PRIM1: variants seen among roughly 807,000 people sequenced by gnomAD.
The protein encoded by PRIM1 is DNA primase small subunit.
PRIM1 carries 38 observed loss-of-function variants against 60.2 expected under a neutral mutation model. The observed-to-expected ratio is 0.63, with a 90% confidence interval of 0.49 to 0.83. The LOEUF (loss-of-function observed/expected upper bound fraction) is 0.83. PRIM1 is among the 40% of genes least tolerant of loss of function. The pLI, the probability that PRIM1 is intolerant of heterozygous loss-of-function variation, is 0.00. For synonymous variants in PRIM1, 158 were observed against 160.2 expected, an observed-to-expected ratio of 0.99 and a Z score of 0.10; for missense variants, 388 against 506.2, an observed-to-expected ratio of 0.77 and a Z score of 2.24.
Position 56,741,478 on chromosome 12 carries a change from G to T in PRIM1, c.939C>A (p.Ile313=). 1 of 1,613,730 alleles carries T rather than the reference G, an allele frequency of 6.2e-7. No individual in the cohort carries two copies. The highest frequency in any genetic ancestry group is 1.1e-5 in the South Asian group (1 of 91,052). Reference sequence around the variant, plus strand: ...TAAAAGGGCTCTTCAGTAGATGATTGATTCCTTTGCTGACATTGATATCCA... The same window carrying T: ...TAAAAGGGCTCTTCAGTAGATGATTTATTCCTTTGCTGACATTGATATCCA... ...PRLDINVSKG[I]NHLLKSPFSV... Residue 313 remains isoleucine (I), a synonymous_variant, in exon 9 of 13, where the codon ATC becomes ATA. Transcript: ENST00000338193.
intron 11 of PRIM1, among the ~76,000 whole-genome samples, chr12:56,736,940 A>G (rs1953837311): frequency 6.6e-6 from 1 of 151,954 alleles, no homozygotes; most frequent in Non-Finnish European, 1.5e-5. Flanking sequence ...GGTGCCTGCC[A>G]GCATGTCTAG....
At position 56,741,588 on chromosome 12, in the gene PRIM1, T is replaced by C. The variant is rs1477772065; in HGVS notation, c.841-12A>G. 6.2e-7 allele frequency: 1 copy of C among 1,606,792 alleles called. No homozygotes were observed. Among genetic ancestry groups the C allele is most frequent in the Non-Finnish European group, 8.5e-7 (1 of 1,178,036 alleles). ...TTTTTGATGTTATTCTAAAAGCAGA[T>C]ACAAGGCCAACATGAGGATCAGTAG... On this transcript the variant is annotated splice_polypyrimidine_tract_variant and intron_variant, in intron 8 of 12. Coordinates refer to ENST00000338193, the MANE Select transcript of PRIM1 (RefSeq NM_000946.3).
chr12:56,744,537 C>T (rs1421054639), intron 5 of PRIM1, among the ~76,000 whole-genome samples: 1 of 151,840 alleles, frequency 6.6e-6, no homozygotes, highest in Admixed American at 6.6e-5. Context: ...GATTGCAATA[C>T]TGTATTTTTA....
rs1953975228 is a variant in PRIM1, at chr12:56,752,186, C to T, written c.103+10G>A. On this transcript the variant is annotated intron_variant, in intron 1 of 12. Coordinates refer to ENST00000338193, the MANE Select transcript of PRIM1 (RefSeq NM_000946.3). ...ACTCCGCTCCCGAACCCATTCCTCG[C>T]CTCCATCACCTCCACCGTAGTTGAG... is the stretch of plus-strand genomic sequence containing the variant. 3 of 1,570,816 alleles carry T rather than the reference C, an allele frequency of 1.9e-6. No homozygotes were observed. The highest frequency in any genetic ancestry group is 1.4e-5 in the African/African-American group (1 of 73,728).
At chr12:56,733,680 C>T (rs191766444) in intron 12 of PRIM1, among the ~76,000 whole-genome samples, 1 of 151,640 alleles carries the variant, frequency 6.6e-6, no homozygotes, top group Admixed American at 6.6e-5. Context: ...ACCTCTGCCT[C>T]CCCGGTTCAA....
intron 1 of PRIM1, chr12:56,751,435 C>T: frequency 3.7e-6 from 1 of 270,290 alleles, no homozygotes. Context: ...AGGCATGCGA[C>T]CCACCATGCC....
chr12:56,739,464 G>A, intron 9 of PRIM1, 101 bp from the exon 10 acceptor site: 1 of 687,918 alleles, frequency 1.5e-6, no homozygotes, highest in Non-Finnish European at 2.3e-6. Context: ...TTAAGGCTTA[G>A]ACAAAGGGTT....
intron 4 of PRIM1, 135 bp from the exon 5 acceptor site, chr12:56,746,316 G>C (rs1421583557): frequency 1.8e-6 from 2 of 1,117,174 alleles, no homozygotes; most frequent in South Asian, 2.7e-5. Flanking sequence ...CTCTCTGCTG[G>C]GAATTTCTTT....
intron 11 of PRIM1, 23 bp from the exon 12 acceptor site, chr12:56,734,268 T>A: frequency 7.1e-7 from 1 of 1,408,408 alleles, no homozygotes; most frequent in Non-Finnish European, 9.9e-7. Flanking sequence ...GAATGTACAT[T>A]ATAATTAGCA....
intron 1 of PRIM1, 170 bp from the exon 2 acceptor site, chr12:56,751,365 C>T: frequency 6.8e-6 from 3 of 439,884 alleles, no homozygotes; most frequent in Non-Finnish European, 1.2e-5. Context: ...CTGCAACCTC[C>T]GCCTCCCGGG....
At chr12:56,748,795 A>G (rs1187677872) in intron 2 of PRIM1, among the ~76,000 whole-genome samples, 35 of 151,968 alleles carry the variant, frequency 2.3e-4, no homozygotes, top group Admixed American at 2.1e-3. Context: ...GTCTCTACTA[A>G]AAAACACAAA....
At chr12:56,741,102 C>T (rs1009058443) in intron 9 of PRIM1, among the ~76,000 whole-genome samples, 2 of 152,166 alleles carry the variant, frequency 1.3e-5, no homozygotes, top group Non-Finnish European at 2.9e-5. Flanking sequence ...GAGCAAGCTA[C>T]CACATACAGT....
chr12:56,751,055 C>T lies in PRIM1; in HGVS notation c.244G>A (p.Ala82Thr). 2 of 1,561,938 alleles carry T rather than the reference C, an allele frequency of 1.3e-6. No individual in the cohort carries two copies. The highest frequency in any genetic ancestry group is 1.2e-5 in the South Asian group (1 of 80,854). Residue 82 changes from alanine (A) to threonine (T), a missense_variant, in exon 2 of 13, where the codon GCA (alanine) becomes ACA (threonine). Physicochemically the swap from Ala to Thr is moderately conservative, Grantham distance 58. Coordinates refer to ENST00000338193, the MANE Select transcript of PRIM1 (RefSeq NM_000946.3). The stretch of plus-strand genomic sequence containing the variant: ...TTTCTTACTCTGTGAGAATATACTG[C>T]GCCTATATCAATCTTGTATGGATTC... Reference protein sequence around the residue: ...KMNPYKIDIGAVYSHRPNQHN... With the variant: ...KMNPYKIDIGTVYSHRPNQHN...
At chr12:56,733,639 G>C (rs1454818853) in intron 12 of PRIM1, among the ~76,000 whole-genome samples, 1 of 150,804 alleles carries the variant, frequency 6.6e-6, no homozygotes, top group Non-Finnish European at 1.5e-5. Context: ...GCCCAGGCTG[G>C]AGTGCGATGG....
chr12:56,746,184 G>C lies in PRIM1; in HGVS notation c.443-3C>G, dbSNP rs952365637. ...ACGATGCTTAAATCCAAAGTCCTCTGAGGAAGAGAGAAATAATAGGTTTTA... is the reference window on the plus strand; with the variant it reads ...ACGATGCTTAAATCCAAAGTCCTCTCAGGAAGAGAGAAATAATAGGTTTTA... On this transcript the variant is annotated splice_polypyrimidine_tract_variant and splice_region_variant and intron_variant, in intron 4 of 12. Coordinates refer to ENST00000338193, the MANE Select transcript of PRIM1 (RefSeq NM_000946.3). 9 of 1,607,500 alleles carry C rather than the reference G, an allele frequency of 5.6e-6. No individual in the cohort carries two copies. Among genetic ancestry groups the C allele is most frequent in the Non-Finnish European group, 7.6e-6 (9 of 1,177,370 alleles).
chr12:56,746,796 CAAT>C lies in PRIM1; in HGVS notation c.424_426del (p.Ile142del), dbSNP rs1399113557. ...TGATACTTGCCCTTCAATGCTCTGT[CAAT>C]GATGCGTATGGCCATTGTCATGAGG... On this transcript the variant is annotated inframe_deletion, in exon 4 of 13. Transcript: ENST00000338193. 1.2e-6 allele frequency: 2 copies of C among 1,613,798 alleles called. No homozygotes were observed. The highest frequency in any genetic ancestry group is 1.7e-6 in the Non-Finnish European group (2 of 1,179,876).
intron 8 of PRIM1, 53 bp downstream of exon 8, chr12:56,741,693 T>G (rs1953873290): frequency 6.3e-7 from 1 of 1,585,490 alleles, no homozygotes; most frequent in South Asian, 1.1e-5. Context: ...AGCAATCAAT[T>G]TAATTAAGAA....
chr12:56,744,233 G>A (rs1424779676), intron 5 of PRIM1, 110 bp from the exon 6 acceptor site: 4 of 767,878 alleles, frequency 5.2e-6, no homozygotes, highest in South Asian at 1.8e-5. Flanking sequence ...TGGTGGGCAC[G>A]GTGGCTCACA....
At chr12:56,733,156 AG>A (rs1397312599) in intron 12 of PRIM1, among the ~76,000 whole-genome samples, 2 of 121,636 alleles carry the variant, frequency 1.6e-5, no homozygotes, top group African/African-American at 6.6e-5. Context: ...TGTCCGGCCT[AG>A]GGTTTTTTTT....
Sources: allele counts gnomAD v4.1 joint callset (sites outside exome capture counted in the v4.1 genomes callset), GRCh38; gene constraint gnomAD v4.1.1; transcripts MANE v1.5; gene names NCBI Gene and HGNC (gene_info 2026-07-23, HGNC 2026-07-21).